Variants in CLN6 observed in about 807,000 individuals in gnomAD.
CLN6 encodes the protein CLN6 transmembrane ER protein.
In CLN6, 22 loss-of-function variants were observed where a neutral mutation model predicts 33.3. The ratio of observed to expected loss-of-function variants is 0.66; its 90% CI spans 0.47 to 0.94. The LOEUF (loss-of-function observed/expected upper bound fraction) is 0.94. Ranked by LOEUF, CLN6 falls within the 40% of genes least tolerant of loss-of-function variation. The pLI is 0.00. For synonymous variants in CLN6, 201 were observed against 174.6 expected (o/e 1.15, Z -1.19); for missense variants, 387 against 417.1 (o/e 0.93, Z 0.63).
In CLN6 at chr15:68,228,304, T is replaced by C. The variant is rs1393259170; in HGVS notation, c.83+1198A>G. Among the ~76,000 whole-genome samples, 1 of 152,152 alleles carries C rather than the reference T, an allele frequency of 6.6e-6. No homozygotes were observed. The highest frequency in any genetic ancestry group is 3.2e-3 in the Middle Eastern group (1 of 314). ...TACCAAAAACTTCCTAACAAGGACT[T>C]TGCGCATGCTAGTGCTCAGAAACTT... On this transcript the variant is annotated intron_variant, in intron 1 of 6. Coordinates refer to ENST00000249806, the MANE Select transcript of CLN6 (RefSeq NM_017882.3). The surrounding 1 kb of genome is among the most constrained non-coding windows in gnomAD (Gnocchi z 4.4).
In CLN6 at chr15:68,211,935, C is replaced by T; in HGVS notation, c.298-72G>A. On this transcript the variant is annotated intron_variant, in intron 3 of 6. Transcript: ENST00000249806. The surrounding 1 kb of genome is among the most constrained non-coding windows in gnomAD (Gnocchi z 5.9). ...GTATGTGACACCCTCTGCTTCCCCC[C>T]TCACACCTGGGGTGGGATGGACGCT... The T allele has an allele frequency of 6.7e-7, 1 of 1,499,960 alleles. No homozygotes were observed. The highest frequency in any genetic ancestry group is 1.2e-5 in the South Asian group (1 of 86,338). The allele number at this position is 1,499,960 out of a possible 1,614,324, so 92.9% of individuals were successfully genotyped here. A position where few individuals can be genotyped will look rare whatever the true frequency, so the allele number is the denominator to read the frequency against.
intron 1 of CLN6, among the ~76,000 whole-genome samples, chr15:68,239,160 C>G (rs1255936986): frequency 6.6e-6 from 1 of 150,610 alleles, no homozygotes; most frequent in Non-Finnish European, 1.5e-5. Context: ...AAACAAAAAC[C>G]CAATGCAGAA....
rs538838904 is a variant in CLN6, at chr15:68,216,017, T to G, written c.199-1629A>C. 1.6e-3 allele frequency among the ~76,000 whole-genome samples: 237 copies of G among 152,362 alleles called. 1 individual carries two copies. The highest frequency in any genetic ancestry group is 2.2e-3 in the Non-Finnish European group (152 of 68,026). On this transcript the variant is annotated intron_variant, in intron 2 of 6. Coordinates refer to ENST00000249806, the MANE Select transcript of CLN6 (RefSeq NM_017882.3). ...GTTTTTAACAAATTTGCAACTATTA[T>G]GCATACATTTGAAAATCTCTAGCGT...
At chr15:68,212,852 G>A (rs2093210067) in intron 3 of CLN6, 1 of 152,144 alleles carries the variant, frequency 6.6e-6, no homozygotes, top group Non-Finnish European at 1.5e-5. Flanking sequence ...TACACAGCCT[G>A]AAGTTAATTT....
At chr15:68,237,163 CAAAAAAAAAAAAAAAAAA>C (rs71145147) in intron 1 of CLN6, among the ~76,000 whole-genome samples, 1 of 73,928 alleles carries the variant, frequency 1.4e-5, no homozygotes, top group South Asian at 6.2e-4. Flanking sequence ...GACTCCGTCT[CAAAAAAAAAAAAAAAAAA>C]AAAAAAAACT....
At chr15:68,218,139 C>T in intron 2 of CLN6, 1 of 244,608 alleles carries the variant, frequency 4.1e-6, no homozygotes. Flanking sequence ...AATACTATCC[C>T]AAGGTAATGG....
intron 1 of CLN6, among the ~76,000 whole-genome samples, chr15:68,251,724 C>T (rs1892380913): frequency 6.6e-6 from 1 of 151,582 alleles, no homozygotes; most frequent in African/African-American, 2.4e-5. Context: ...CTGCTATCAC[C>T]CCTTCTAGTC....
At position 68,254,791 on chromosome 15, in the gene CLN6, A is replaced by C. The variant is rs191725024; in HGVS notation, c.179+1899T>G. 779 of 984,838 alleles carry C rather than the reference A, an allele frequency of 7.9e-4. 10 individuals carry two copies. In the East Asian group the frequency reaches 0.017, roughly 21 times the overall value. 61.0% of individuals were successfully genotyped at this position (984,838 alleles called of 1,614,324 possible). ...CTGCAAAGAAGGGAGAGAAGGTACCAAAAGGGAAAAGGGAAAAGCTGAAGC... is the reference window on the plus strand; with the variant it reads ...CTGCAAAGAAGGGAGAGAAGGTACCCAAAGGGAAAAGGGAAAAGCTGAAGC... On this transcript the variant is annotated intron_variant, in intron 1 of 6. Coordinates refer to the CLN6 transcript ENST00000538696.
intron 1 of CLN6, 41 bp from the exon 2 acceptor site, chr15:68,218,691 T>G (rs1483999387): frequency 6.8e-7 from 1 of 1,461,784 alleles, no homozygotes; most frequent in African/African-American, 1.4e-5. Flanking sequence ...TCTTCTCTCC[T>G]CCTCCACCAA....
At position 68,229,611 on chromosome 15, in the gene CLN6, G is replaced by A. The variant is rs1024665053; in HGVS notation, c.-27C>T. On this transcript the variant is annotated 5_prime_UTR_variant, in exon 1 of 7. Transcript: ENST00000249806. ...GCTGCCCCGCAGGCCCCTCGGCCCT[G>A]CCTTTCCGAGGAAGAGACCGGTTCA... 2.8e-6 allele frequency: 4 copies of A among 1,445,614 alleles called. No homozygotes were observed. The highest frequency in any genetic ancestry group is 1.3e-5 in the South Asian group (1 of 76,022). 89.5% of individuals were successfully genotyped at this position (1,445,614 alleles called of 1,614,324 possible). A position where few individuals can be genotyped will look rare whatever the true frequency, so the allele number is the denominator to read the frequency against.
chr15:68,224,508 G>A (rs1231612737), intron 1 of CLN6, among the ~76,000 whole-genome samples: 1 of 150,898 alleles, frequency 6.6e-6, no homozygotes, highest in African/African-American at 2.4e-5. Context: ...TGTAATCTCA[G>A]CTACTGGGGA....
chr15:68,247,751 A>G lies in CLN6; in HGVS notation c.179+8939T>C, dbSNP rs1287674938. Among the ~76,000 whole-genome samples the G allele has an allele frequency of 6.6e-6, 1 of 152,134 alleles. No homozygotes were observed. Among genetic ancestry groups the G allele is most frequent in the African/African-American group, 2.4e-5 (1 of 41,398 alleles). On this transcript the variant is annotated intron_variant, in intron 1 of 6. Transcript: ENST00000538696. The surrounding 1 kb of genome is among the most constrained non-coding windows in gnomAD (Gnocchi z 4.2). ...TAAGCAAAACGAACAAACCTGGGTC[A>G]GGCATGGTGGCTCATGCCTGTAATC...
intron 2 of CLN6, among the ~76,000 whole-genome samples, chr15:68,216,463 G>A (rs2093220814): frequency 6.6e-6 from 1 of 152,178 alleles, no homozygotes; most frequent in Non-Finnish European, 1.5e-5. Context: ...AGGAGAACCA[G>A]CACCCACCAT....
At position 68,255,314 on chromosome 15, in the gene CLN6, C is replaced by G. The variant is rs991110120; in HGVS notation, c.179+1376G>C. 4.6e-5 allele frequency among the ~76,000 whole-genome samples: 7 copies of G among 152,258 alleles called. 1 individual carries two copies. Among genetic ancestry groups the G allele is most frequent in the Admixed American group, 6.5e-5 (1 of 15,304 alleles). On this transcript the variant is annotated intron_variant, in intron 1 of 6. Transcript: ENST00000538696. ...AGACACCTGTTGGACCTGACCCCCC[C>G]CAATAATTGGTTACTGGTGTGTCAG... is the stretch of plus-strand genomic sequence containing the variant.
At position 68,211,749 on chromosome 15, in the gene CLN6, G is replaced by A. The variant is rs2093206049; in HGVS notation, c.412C>T (p.Leu138Phe). 6.2e-7 allele frequency: 1 copy of A among 1,613,892 alleles called. No individual in the cohort carries two copies. The highest frequency in any genetic ancestry group is 1.3e-5 in the African/African-American group (1 of 74,922). ...LVGDSVNHRL[L>F]FSGYQHHLSV... The stretch of plus-strand genomic sequence containing the variant: ...AGGTGGTGCTGGTAGCCACTGAAGA[G>A]CAGGCGGTGGTTGACAGAGTCACCC... The change falls in exon 4 of 7, where the codon CTC (leucine) becomes TTC (phenylalanine). Residue 138 changes from leucine (L) to phenylalanine (F), a missense_variant. Transcript: ENST00000249806. This position sits in a 1 kb window ranked among gnomAD's most constrained non-coding sequence, Gnocchi z 5.9.
chr15:68,229,545 C>T lies in CLN6; in HGVS notation c.40G>A (p.Gly14Ser), dbSNP rs2093262651. Reference protein sequence around the residue: ...TRRRQHLGATGGPGAQLGASF... With the variant: ...TRRRQHLGATSGPGAQLGASF... ...GCGCCCAGCTGCGCGCCTGGGCCGC[C>T]CGTCGCTCCCAGGTGCTGCCGCCTC... Residue 14 changes from glycine (G) to serine (S), a missense_variant, in exon 1 of 7, where the codon GGC becomes AGC. Coordinates refer to ENST00000249806, the MANE Select transcript of CLN6 (RefSeq NM_017882.3). The T allele has an allele frequency of 6.8e-7, 1 of 1,468,670 alleles. No homozygotes were observed. The highest frequency in any genetic ancestry group is 9.0e-7 in the Non-Finnish European group (1 of 1,115,170). 91.0% of individuals were successfully genotyped at this position (1,468,670 alleles called of 1,614,324 possible).
At chr15:68,244,081 C>CA (rs895938233) in intron 1 of CLN6, among the ~76,000 whole-genome samples, 1 of 109,176 alleles carries the variant, frequency 9.2e-6, no homozygotes, top group African/African-American at 3.0e-5. Context: ...ATCAAAAAAA[C>CA]AAAAAACAAA....
At chr15:68,232,257 A>G (rs2093269516), upstream of CLN6, among the ~76,000 whole-genome samples, 1 of 150,372 alleles carries the variant, frequency 6.7e-6, no homozygotes, top group African/African-American at 2.4e-5. The surrounding 1 kb of genome is among the most constrained non-coding windows in gnomAD (Gnocchi z 4.7). Flanking sequence ...TCCCTGGTTC[A>G]AGTGATTCTC....
At chr15:68,232,185 T>C (rs1015648051), upstream of CLN6, among the ~76,000 whole-genome samples, 9 of 143,940 alleles carry the variant, frequency 6.3e-5, no homozygotes, top group African/African-American at 2.3e-4. The surrounding 1 kb of genome is among the most constrained non-coding windows in gnomAD (Gnocchi z 4.7). Context: ...TGAGACGGAG[T>C]CTTGCTCTGT....
Sources: allele counts gnomAD v4.1 joint callset (sites outside exome capture counted in the v4.1 genomes callset), GRCh38; gene constraint gnomAD v4.1.1; non-coding constraint Gnocchi (gnomAD v3.1); transcripts MANE v1.5; gene names NCBI Gene and HGNC (gene_info 2026-07-23, HGNC 2026-07-21).